ATP10B: variants seen among roughly 807,000 people sequenced by gnomAD.
ATP10B encodes ATPase phospholipid transporting 10B (putative).
ATP10B carries 122 observed loss-of-function variants against 141.2 expected under a neutral mutation model. That is an observed-to-expected ratio of 0.86 (90% CI 0.75 to 1.00). The LOEUF is 1.00. Among genes scored for constraint, ATP10B ranks in the 50% least tolerant of loss-of-function variants. ATP10B has a pLI of 0.00. For synonymous variants in ATP10B, 685 were observed against 692.0 expected, an observed-to-expected ratio of 0.99 and a Z score of 0.16; for missense variants, 1,876 against 1,825.3, an observed-to-expected ratio of 1.03 and a Z score of -0.51.
At chr5:160,626,168 C>T (rs773753600) in intron 13 of ATP10B, among the ~76,000 whole-genome samples, 36 of 152,180 alleles carry the variant, frequency 2.4e-4, no homozygotes, top group Non-Finnish European at 4.1e-4. Context: ...GACTATTTCT[C>T]GGAAGAAAAA....
chr5:160,670,426 A>G lies in ATP10B; in HGVS notation c.675+37T>C, dbSNP rs780442412. ...AGTAGGGTAGGCTTGCATCCTTTCT[A>G]TGACTTTACCATTGAAGATATTAGA... is the stretch of plus-strand genomic sequence containing the variant. On this transcript the variant is annotated intron_variant, in intron 7 of 25. Transcript: ENST00000327245. 4 of 1,607,606 alleles carry G rather than the reference A, an allele frequency of 2.5e-6. No individual in the cohort carries two copies. In the South Asian group the frequency reaches 3.3e-5, roughly 13 times the overall value.
the ATP10B span, among the ~76,000 whole-genome samples, chr5:160,892,807 C>T: frequency 6.6e-6 from 1 of 152,124 alleles, no homozygotes; most frequent in Non-Finnish European, 1.5e-5. Context: ...AAGATCAACT[C>T]AGAAGGTGGG....
chr5:160,634,540 T>C lies in ATP10B; in HGVS notation c.1195A>G (p.Ser399Gly). The change falls in exon 12 of 26, where the codon AGC becomes GGC. Residue 399 changes from serine to glycine, a missense_variant. Ser to Gly is a moderately conservative substitution (Grantham distance 56). Transcript: ENST00000327245. ...TCATCATACAGGTCAAGGTCATTGC[T>C]CAAGAAGAACACTTGCCCGAGCTTC... ...LVKLGQVFFL[S>G]NDLDLYDEET... The C allele has an allele frequency of 1.2e-6, 2 of 1,614,104 alleles. No homozygotes were observed. The highest frequency in any genetic ancestry group is 2.2e-5 in the South Asian group (2 of 91,056).
chr5:160,650,542 T>C (rs1437268737), intron 7 of ATP10B, among the ~76,000 whole-genome samples: 1 of 152,142 alleles, frequency 6.6e-6, no homozygotes, highest in Non-Finnish European at 1.5e-5. Context: ...CAAACAAGTT[T>C]AATGGTGTCT....
At chr5:160,856,352 A>T (rs926958832), upstream of ATP10B, among the ~76,000 whole-genome samples, 1 of 151,814 alleles carries the variant, frequency 6.6e-6, no homozygotes, top group Non-Finnish European at 1.5e-5. Context: ...CTGTATGTTT[A>T]TCTTGTATTC....
At chr5:160,588,529 T>A (rs1756064053) in intron 24 of ATP10B, among the ~76,000 whole-genome samples, 1 of 152,228 alleles carries the variant, frequency 6.6e-6, no homozygotes. Context: ...CATCTTTCTG[T>A]AAAGTGTTCC....
chr5:160,705,507 G>T (rs1561773640), intron 3 of ATP10B, among the ~76,000 whole-genome samples: 1 of 152,056 alleles, frequency 6.6e-6, no homozygotes, highest in Non-Finnish European at 1.5e-5. Context: ...TTACAATTGG[G>T]ATTACAATCT....
In ATP10B at chr5:160,677,120, C is replaced by G. The variant is rs1763081799; in HGVS notation, c.471-6453G>C. Among the ~76,000 whole-genome samples the G allele has an allele frequency of 2.0e-5, 3 of 152,302 alleles. No homozygotes were observed. The South Asian group carries it at 6.2e-4, about 32-fold the overall frequency. On this transcript the variant is annotated intron_variant, in intron 6 of 25. Transcript: ENST00000327245. The stretch of plus-strand genomic sequence containing the variant: ...CAAAACAGAGGCCATAAATCCTTAC[C>G]CGTGGACATACAAATCATGCCTGAT...
the ATP10B span, among the ~76,000 whole-genome samples, chr5:160,892,836 C>G: frequency 6.6e-6 from 1 of 152,188 alleles, no homozygotes; most frequent in African/African-American, 2.4e-5. Context: ...GCATTTCAAA[C>G]TGAGGTACCT....
intron 11 of ATP10B, among the ~76,000 whole-genome samples, 155 bp downstream of exon 11, chr5:160,636,027 A>G (rs1367048095): frequency 1.3e-5 from 2 of 152,262 alleles, no homozygotes; most frequent in East Asian, 3.8e-4. Context: ...AAATGTGAAT[A>G]CTTTCAAAGA....
chr5:160,815,812 C>CT (rs1321766165), intron 1 of ATP10B, among the ~76,000 whole-genome samples: 1 of 152,326 alleles, frequency 6.6e-6, no homozygotes, highest in African/African-American at 2.4e-5. Context: ...AACAAACTGT[C>CT]TCTCAGACCA....
At chr5:160,698,166 ACT>A (rs1473213666) in intron 3 of ATP10B, among the ~76,000 whole-genome samples, 1 of 151,770 alleles carries the variant, frequency 6.6e-6, no homozygotes, top group Non-Finnish European at 1.5e-5. Context: ...ACATTGTAAA[ACT>A]CTTGGATTCT....
rs373438066 is a variant in ATP10B, at chr5:160,612,814, G to A, written c.2765C>T (p.Ala922Val). The A allele has an allele frequency of 2.4e-5, 39 of 1,613,918 alleles. No individual in the cohort carries two copies. The highest frequency in any genetic ancestry group is 3.3e-5 in the South Asian group (3 of 91,070). Residue 922 changes from alanine (A) to valine (V), a missense_variant, in exon 18 of 26, where the codon GCG (alanine) becomes GTG (valine). Ala to Val is a moderately conservative substitution (Grantham distance 64, BLOSUM62 0). Coordinates refer to ENST00000327245, the MANE Select transcript of ATP10B (RefSeq NM_025153.3). Reference protein sequence around the residue: ...WVLTGDKQETAVNIAHSCRLL... With the variant: ...WVLTGDKQETVVNIAHSCRLL... ...TCTGCAGGAATGGGCAATGTTGACC[G>A]CTGTCTCCTGCTTATCTCCAGTCAG...
the ATP10B span, among the ~76,000 whole-genome samples, chr5:160,870,270 CCT>C: frequency 6.6e-6 from 1 of 152,116 alleles, no homozygotes; most frequent in Non-Finnish European, 1.5e-5. Flanking sequence ...GAGTGTTTCT[CCT>C]CTTCCCATAC....
At chr5:160,575,761 G>A (rs1205620840) in intron 24 of ATP10B, among the ~76,000 whole-genome samples, 1 of 152,044 alleles carries the variant, frequency 6.6e-6, no homozygotes, top group Non-Finnish European at 1.5e-5. Flanking sequence ...TTAACAGATA[G>A]TTATTGTTCA....
chr5:160,897,442 A>G, the ATP10B span, among the ~76,000 whole-genome samples: 1 of 152,202 alleles, frequency 6.6e-6, no homozygotes, highest in Non-Finnish European at 1.5e-5. Flanking sequence ...CCCATTCACA[A>G]TTACTACAAA....
intron 1 of ATP10B, among the ~76,000 whole-genome samples, chr5:160,817,101 G>A (rs1182548615): frequency 1.3e-5 from 2 of 152,208 alleles, no homozygotes; most frequent in Non-Finnish European, 2.9e-5. Flanking sequence ...ACAAGACAGG[G>A]ATGCCCTCTC....
At position 160,688,080 on chromosome 5, in the gene ATP10B, G is replaced by A. The variant is rs745803121; in HGVS notation, c.-6C>T. The A allele has an allele frequency of 6.2e-7, 1 of 1,609,916 alleles. No individual in the cohort carries two copies. The highest frequency in any genetic ancestry group is 1.7e-5 in the Admixed American group (1 of 59,884). ...GAGTCCACTGAGAGGGCCATTTCCA[G>A]CAGCAGGCGAAGATCTGAAAACAGA... On this transcript the variant is annotated 5_prime_UTR_variant, in exon 5 of 26. Coordinates refer to ENST00000327245, the MANE Select transcript of ATP10B (RefSeq NM_025153.3).
At chr5:160,688,669 A>G (rs1763907103) in intron 4 of ATP10B, 91 bp downstream of exon 4, 5 of 673,474 alleles carry the variant, frequency 7.4e-6, no homozygotes, top group Non-Finnish European at 5.5e-6. Context: ...ATATTGGGAC[A>G]CATCTTAAAA....
Sources: gnomAD v4.1 joint callset for allele counts (sites outside exome capture counted in the v4.1 genomes callset) on GRCh38, gnomAD v4.1.1 for gene constraint, MANE v1.5 for transcripts, NCBI Gene and HGNC (gene_info 2026-07-23, HGNC 2026-07-21) for gene names.